SLC25A17: variants seen among roughly 807,000 people sequenced by gnomAD.
SLC25A17 encodes solute carrier family 25 member 17.
In SLC25A17, 26 loss-of-function variants were observed where a neutral mutation model predicts 38.5. The ratio of observed to expected loss-of-function variants is 0.68; its 90% CI spans 0.50 to 0.94. The LOEUF (loss-of-function observed/expected upper bound fraction) is 0.94. SLC25A17 is among the 40% of genes least tolerant of loss of function. SLC25A17 has a pLI of 0.00. For missense variants in SLC25A17, 333 were observed against 372.7 expected, an observed-to-expected ratio of 0.89 and a Z score of 0.88; for synonymous variants, 139 against 136.2, an observed-to-expected ratio of 1.02 and a Z score of -0.14.
chr22:40,770,819 T>C lies in SLC25A17; in HGVS notation c.*15A>G. ...CCCTCTTGAGCATCTTCGGAATTTT[T>C]CATGGGAAGGCGTCTCAGTGTTGGT... On this transcript the variant is annotated 3_prime_UTR_variant, in exon 9 of 9. Transcript: ENST00000435456. 1 of 1,587,614 alleles carries C rather than the reference T, an allele frequency of 6.3e-7. No homozygotes were observed. The highest frequency in any genetic ancestry group is 8.6e-7 in the Non-Finnish European group (1 of 1,162,818).
intron 4 of SLC25A17, among the ~76,000 whole-genome samples, chr22:40,785,369 G>A (rs1198352816): frequency 2.6e-5 from 4 of 152,236 alleles, no homozygotes; most frequent in Non-Finnish European, 5.9e-5. Context: ...GGGTGACAGA[G>A]TGAGACTCCT....
intron 1 of SLC25A17, among the ~76,000 whole-genome samples, chr22:40,804,704 C>T (rs1354389751): frequency 6.6e-6 from 1 of 152,138 alleles, no homozygotes; most frequent in South Asian, 2.1e-4. Flanking sequence ...AGCCATTACG[C>T]CCAGCCTGAA....
At chr22:40,818,282 C>A (rs778654071) in intron 1 of SLC25A17, among the ~76,000 whole-genome samples, 3 of 151,976 alleles carry the variant, frequency 2.0e-5, no homozygotes, top group Non-Finnish European at 4.4e-5. Context: ...GTCACCCAAG[C>A]CAAAAGTGGA....
In SLC25A17 at chr22:40,794,584, C is replaced by T. The variant is rs1018559800; in HGVS notation, c.116-4G>A. ...TTGGATTTTCTTTTCTCATCAACTA[C>T]AAGACCAAACAGTGCATGTTTATTT... On this transcript the variant is annotated splice_region_variant and splice_polypyrimidine_tract_variant and intron_variant, in intron 2 of 8. Transcript: ENST00000435456. The T allele has an allele frequency of 1.3e-6, 2 of 1,595,412 alleles. No homozygotes were observed. The highest frequency in any genetic ancestry group is 1.7e-6 in the Non-Finnish European group (2 of 1,164,300).
intron 2 of SLC25A17, among the ~76,000 whole-genome samples, chr22:40,797,797 T>C (rs533231050): frequency 2.6e-5 from 4 of 152,284 alleles, no homozygotes; most frequent in African/African-American, 9.6e-5. Flanking sequence ...TAGACTGGGG[T>C]GGAGGCCGAG....
At chr22:40,774,378 C>G (rs983420200) in intron 7 of SLC25A17, among the ~76,000 whole-genome samples, 2 of 152,132 alleles carry the variant, frequency 1.3e-5, no homozygotes, top group African/African-American at 4.8e-5. Context: ...CATGTACCAC[C>G]ACGCCCGGCT....
intron 4 of SLC25A17, among the ~76,000 whole-genome samples, chr22:40,791,908 C>G (rs2057388288): frequency 6.6e-6 from 1 of 152,124 alleles, no homozygotes; most frequent in Non-Finnish European, 1.5e-5. Flanking sequence ...GAATGGAAAG[C>G]AGGCTCTCAA....
At chr22:40,800,233 A>G (rs2057468900) in intron 1 of SLC25A17, among the ~76,000 whole-genome samples, 1 of 152,230 alleles carries the variant, frequency 6.6e-6, no homozygotes, top group South Asian at 2.1e-4. Flanking sequence ...AAGGTCCTAT[A>G]TAAAAACCAC....
rs557781914 is a variant in SLC25A17 at position 40,789,195 on chromosome 22, G to A, written c.334+3330C>T. 18 of 232,680 alleles carry A rather than the reference G, an allele frequency of 7.7e-5. No individual in the cohort carries two copies. The East Asian group carries it at 1.9e-3, about 24-fold the overall frequency. 14.4% of individuals were successfully genotyped at this position (232,680 alleles called of 1,614,324 possible). Reference sequence around the variant, plus strand: ...GGGATGCCCAGCTGCTTGTAGCCACGGCCGAAGCCCCATACCACTTGGTCC... The same window carrying A: ...GGGATGCCCAGCTGCTTGTAGCCACAGCCGAAGCCCCATACCACTTGGTCC... On this transcript the variant is annotated intron_variant, in intron 4 of 8. Coordinates refer to ENST00000435456, the MANE Select transcript of SLC25A17 (RefSeq NM_006358.4). This position sits in a 1 kb window ranked among gnomAD's most constrained non-coding sequence, Gnocchi z 4.5.
At chr22:40,796,231 C>T (rs965253485) in intron 2 of SLC25A17, among the ~76,000 whole-genome samples, 5 of 152,196 alleles carry the variant, frequency 3.3e-5, no homozygotes, top group African/African-American at 1.2e-4. Context: ...AAATTTCCTA[C>T]CCATACCTGA....
intron 4 of SLC25A17, 90 bp downstream of exon 4, chr22:40,792,435 T>A: frequency 9.5e-7 from 1 of 1,055,122 alleles, no homozygotes; most frequent in Non-Finnish European, 1.3e-6. Flanking sequence ...ATATTCTTTG[T>A]AAGCATTACT....
chr22:40,807,229 G>A lies in SLC25A17; in HGVS notation c.55-8146C>T, dbSNP rs115263413. ...ACTATGCTTGAAATAAGTTTATGTT[G>A]TATGAATTATATCTCAATTAAAAAA... On this transcript the variant is annotated intron_variant, in intron 1 of 8. Transcript: ENST00000435456. Among the ~76,000 whole-genome samples the A allele has an allele frequency of 6.4e-3, 979 of 152,194 alleles. 7 individuals carry two copies. Among genetic ancestry groups the A allele is most frequent in the African/African-American group, 0.023 (936 of 41,504 alleles).
intron 1 of SLC25A17, among the ~76,000 whole-genome samples, chr22:40,809,203 A>G (rs1568988183): frequency 6.6e-6 from 1 of 152,108 alleles, no homozygotes; most frequent in Non-Finnish European, 1.5e-5. Context: ...GAATTAACAA[A>G]TATCTTGGCC....
chr22:40,818,413 T>A (rs548804500), intron 1 of SLC25A17, among the ~76,000 whole-genome samples: 1 of 152,066 alleles, frequency 6.6e-6, no homozygotes, highest in Admixed American at 6.5e-5. Flanking sequence ...ACCCAGATCT[T>A]GATTTAGAAA....
At chr22:40,794,036 A>C (rs2057406250) in intron 3 of SLC25A17, among the ~76,000 whole-genome samples, 1 of 152,216 alleles carries the variant, frequency 6.6e-6, no homozygotes, top group Non-Finnish European at 1.5e-5. Context: ...GAGCAAAAAT[A>C]GTAAAACAAA....
intron 4 of SLC25A17, chr22:40,779,439 C>A: frequency 1.7e-6 from 1 of 580,510 alleles, no homozygotes; most frequent in South Asian, 2.8e-5. Flanking sequence ...TTTGATATAG[C>A]TTTAAATATA....
At chr22:40,813,205 C>T (rs2057600672) in intron 1 of SLC25A17, among the ~76,000 whole-genome samples, 1 of 152,068 alleles carries the variant, frequency 6.6e-6, no homozygotes, top group Admixed American at 6.6e-5. Flanking sequence ...AATTTTGAGA[C>T]CGGTATTTGT....
At position 40,770,737 on chromosome 22, in the gene SLC25A17, T is replaced by C; in HGVS notation, c.*97A>G. ...TTCAAGCCAATGAGGGTAACATTTG[T>C]GGTGGCAGGAGCCAGAGTCAAGGGA... On this transcript the variant is annotated 3_prime_UTR_variant, in exon 9 of 9. Transcript: ENST00000435456. The C allele has an allele frequency of 1.5e-6, 2 of 1,311,596 alleles. No individual in the cohort carries two copies. The highest frequency in any genetic ancestry group is 2.1e-6 in the Non-Finnish European group (2 of 965,474). The allele number at this position is 1,311,596 out of a possible 1,614,324, so 81.2% of individuals were successfully genotyped here.
rs2057172294 is a variant in SLC25A17, at chr22:40,770,675, C to G, written c.*159G>C. 1 of 563,122 alleles carries G rather than the reference C, an allele frequency of 1.8e-6. No individual in the cohort carries two copies. The highest frequency in any genetic ancestry group is 1.9e-5 in the African/African-American group (1 of 52,320). 34.9% of individuals were successfully genotyped at this position (563,122 alleles called of 1,614,324 possible). ...CATGACAATTAAGGTGACAACAGGT[C>G]CAGTTGGCCATACTCCCTGTGCACC... On this transcript the variant is annotated 3_prime_UTR_variant, in exon 9 of 9. Coordinates refer to ENST00000435456, the MANE Select transcript of SLC25A17 (RefSeq NM_006358.4).
Sources: gnomAD v4.1 joint callset for allele counts (sites outside exome capture counted in the v4.1 genomes callset) on GRCh38, gnomAD v4.1.1 for gene constraint, Gnocchi (gnomAD v3.1) non-coding constraint, MANE v1.5 for transcripts, NCBI Gene and HGNC (gene_info 2026-07-23, HGNC 2026-07-21) for gene names.